PDE4D: variants seen among roughly 807,000 people sequenced by gnomAD.
PDE4D encodes phosphodiesterase 4D.
A neutral mutation model predicts 87.4 loss-of-function variants in PDE4D; 24 were observed. That is an observed-to-expected ratio of 0.27 (90% confidence interval 0.20 to 0.39). The LOEUF is 0.39. PDE4D is among the 10% of genes least tolerant of loss of function. PDE4D has a pLI of 1.00. For missense variants in PDE4D, 714 were observed against 1,041.0 expected (o/e 0.69, Z 4.32); for synonymous variants, 384 against 383.2 (o/e 1.00, Z -0.02).
chr5:59,783,964 G>A (rs1764883533), intron 1 of PDE4D, among the ~76,000 whole-genome samples: 1 of 152,096 alleles, frequency 6.6e-6, no homozygotes, highest in South Asian at 2.1e-4. Flanking sequence ...AGGCTGAGGT[G>A]GGAAGATGGT....
intron 1 of PDE4D, among the ~76,000 whole-genome samples, chr5:59,294,319 A>G (rs1259016696): frequency 6.6e-6 from 1 of 152,126 alleles, no homozygotes; most frequent in Non-Finnish European, 1.5e-5. Context: ...AGGGAGTACC[A>G]TTTTTACAAA....
At chr5:60,008,643 AC>A (rs1764714111) in intron 2 of PDE4D, among the ~76,000 whole-genome samples, 1 of 151,978 alleles carries the variant, frequency 6.6e-6, no homozygotes, top group South Asian at 2.1e-4. Context: ...CCAAATCATT[AC>A]CTTTTCTATT....
chr5:60,497,210 A>G (rs991002090), intron 1 of PDE4D, among the ~76,000 whole-genome samples: 2 of 152,176 alleles, frequency 1.3e-5, no homozygotes, highest in African/African-American at 4.8e-5. Flanking sequence ...AGGTAGTTGT[A>G]TGAGCACATC....
At chr5:59,503,568 T>A (rs781672076) in intron 1 of PDE4D, among the ~76,000 whole-genome samples, 1 of 152,188 alleles carries the variant, frequency 6.6e-6, no homozygotes, top group Non-Finnish European at 1.5e-5. Context: ...TGCTCAGAAC[T>A]GAGTTTATTC....
chr5:59,179,309 C>T (rs1740924373), intron 5 of PDE4D, among the ~76,000 whole-genome samples: 1 of 152,070 alleles, frequency 6.6e-6, no homozygotes, highest in Admixed American at 6.5e-5. Context: ...GCCATGTTGG[C>T]CAGGCTGGTC....
chr5:60,357,404 C>CT (rs1373400405), intron 1 of PDE4D, among the ~76,000 whole-genome samples: 1 of 152,118 alleles, frequency 6.6e-6, no homozygotes, highest in Non-Finnish European at 1.5e-5. Flanking sequence ...AAAAATCACT[C>CT]TTACTCTTTT....
At chr5:60,209,494 G>T (rs981635875) in intron 1 of PDE4D, among the ~76,000 whole-genome samples, 26 of 152,116 alleles carry the variant, frequency 1.7e-4, no homozygotes, top group African/African-American at 6.0e-4. Context: ...GCCTATTGTT[G>T]TATGGCATTA....
At chr5:58,998,891 T>C (rs1415060948) in intron 6 of PDE4D, among the ~76,000 whole-genome samples, 1 of 152,186 alleles carries the variant, frequency 6.6e-6, no homozygotes, top group Admixed American at 6.5e-5. Flanking sequence ...ATGGACACAA[T>C]CTTATTGAAT....
At chr5:60,395,853 T>C (rs1435031794) in intron 1 of PDE4D, among the ~76,000 whole-genome samples, 1 of 151,742 alleles carries the variant, frequency 6.6e-6, no homozygotes, top group African/African-American at 2.4e-5. Flanking sequence ...ATTCCATGAG[T>C]TGTTTGAGCC....
At chr5:59,869,232 G>A (rs1218588295) in intron 1 of PDE4D, among the ~76,000 whole-genome samples, 1 of 152,204 alleles carries the variant, frequency 6.6e-6, no homozygotes, top group African/African-American at 2.4e-5. Flanking sequence ...GCAAGATTTG[G>A]AGAATCAGAG....
intron 1 of PDE4D, among the ~76,000 whole-genome samples, chr5:59,768,799 T>A (rs2152594471): frequency 6.6e-6 from 1 of 152,326 alleles, no homozygotes; most frequent in South Asian, 2.1e-4. Flanking sequence ...TCGCACGGCT[T>A]TGTCCGTGCT....
chr5:59,437,681 G>A (rs899748448), intron 1 of PDE4D, among the ~76,000 whole-genome samples: 7 of 151,460 alleles, frequency 4.6e-5, no homozygotes, highest in African/African-American at 1.7e-4. Context: ...CACACAAGAA[G>A]TAGATGGCAT....
intron 2 of PDE4D, chr5:60,185,501 C>A: frequency 8.2e-7 from 1 of 1,217,836 alleles, no homozygotes; most frequent in Non-Finnish European, 1.2e-6. Flanking sequence ...AAAACCAAAA[C>A]TAAAATGTTA....
At chr5:59,500,414 AC>A (rs1808090817) in intron 1 of PDE4D, among the ~76,000 whole-genome samples, 2 of 152,196 alleles carry the variant, frequency 1.3e-5, no homozygotes, top group South Asian at 4.1e-4. Context: ...ACCAGGAAAT[AC>A]TATACAGCCA....
At chr5:59,996,553 T>G (rs1763543716) in intron 2 of PDE4D, among the ~76,000 whole-genome samples, 1 of 152,212 alleles carries the variant, frequency 6.6e-6, no homozygotes, top group Admixed American at 6.5e-5. Flanking sequence ...AAATTGTTAA[T>G]AATGCACTAA....
chr5:59,621,794 T>A (rs965450502), intron 1 of PDE4D, among the ~76,000 whole-genome samples: 7 of 152,152 alleles, frequency 4.6e-5, no homozygotes, highest in African/African-American at 1.7e-4. Context: ...ACCTGATAAA[T>A]CAGCAAAGAA....
intron 2 of PDE4D, among the ~76,000 whole-genome samples, chr5:60,079,305 G>A (rs1054560274): frequency 1.4e-4 from 19 of 132,008 alleles, no homozygotes; most frequent in African/African-American, 5.3e-4. Context: ...TAGGCAGATA[G>A]GAAAAATTTT....
intron 1 of PDE4D, among the ~76,000 whole-genome samples, chr5:59,879,587 T>C (rs1749138608): frequency 6.6e-6 from 1 of 152,264 alleles, no homozygotes; most frequent in Admixed American, 6.5e-5. Context: ...TTATTTTTCA[T>C]AGGCAGATTT....
At chr5:60,376,589 TTCCA>T (rs1164473229) in intron 1 of PDE4D, among the ~76,000 whole-genome samples, 2 of 152,222 alleles carry the variant, frequency 1.3e-5, no homozygotes, top group Admixed American at 1.3e-4. Context: ...TCAGTAGCTC[TTCCA>T]TTCCCCTCCA....
Sources: gnomAD v4.1 joint callset for allele counts (sites outside exome capture counted in the v4.1 genomes callset) on GRCh38, gnomAD v4.1.1 for gene constraint, MANE v1.5 for transcripts, NCBI Gene and HGNC (gene_info 2026-07-23, HGNC 2026-07-21) for gene names.